SYNRG: variants seen among roughly 807,000 people sequenced by gnomAD.
SYNRG encodes the protein synergin gamma.
A neutral mutation model predicts 130.9 loss-of-function variants in SYNRG; 37 were observed. The ratio of observed to expected loss-of-function variants is 0.28; its 90% CI spans 0.22 to 0.37. SYNRG has a LOEUF of 0.37. Ranked by LOEUF, SYNRG falls within the 10% of genes least tolerant of loss-of-function variation. The pLI is 1.00. For synonymous variants in SYNRG, 539 were observed against 568.1 expected (o/e 0.95, Z 0.73); for missense variants, 1,338 against 1,588.9 (o/e 0.84, Z 2.68).
intron 15 of SYNRG, chr17:37,541,226 T>G (rs1190822875): frequency 1.0e-6 from 1 of 985,316 alleles, no homozygotes; most frequent in Non-Finnish European, 1.2e-6. Flanking sequence ...TCCTTCACAG[T>G]CTCTCAATCC....
chr17:37,585,314 T>A lies in SYNRG; in HGVS notation c.477+11A>T, dbSNP rs142373607. 6.2e-7 allele frequency: 1 copy of A among 1,606,486 alleles called. No individual in the cohort carries two copies. The highest frequency in any genetic ancestry group is 2.2e-5 in the East Asian group (1 of 44,720). On this transcript the variant is annotated intron_variant, in intron 5 of 21. Transcript: ENST00000612223. ...GTATGTTCTGGGTGAAGAGAAGTAT[T>A]GAAATACTACCTTGGGTTTCACACT... is the stretch of plus-strand genomic sequence containing the variant.
Position 37,542,190 on chromosome 17 carries a change from G to A in SYNRG, c.2984C>T (p.Thr995Met), listed in dbSNP as rs756017425. The stretch of plus-strand genomic sequence containing the variant: ...CGTGGCCTCCTGGCTCCGTTCAGCC[G>A]TAGGCAGGTCCTGTTTTGTGAAATC... ...YKDFTKQDLP[T>M]AERSQEATCP... Residue 995 changes from threonine to methionine, a missense_variant, in exon 15 of 22, where the codon ACG becomes ATG. Coordinates refer to ENST00000612223, the MANE Select transcript of SYNRG (RefSeq NM_007247.6). The A allele has an allele frequency of 5.0e-6, 8 of 1,614,100 alleles. No individual in the cohort carries two copies. Among genetic ancestry groups the A allele is most frequent in the East Asian group, 2.2e-5 (1 of 44,894 alleles).
intron 14 of SYNRG, among the ~76,000 whole-genome samples, chr17:37,548,090 C>G (rs2058423388): frequency 6.6e-6 from 1 of 152,172 alleles, no homozygotes; most frequent in African/African-American, 2.4e-5. Context: ...TTTTCTGCAG[C>G]CTGCTCAGAT....
intron 1 of SYNRG, 74 bp from the exon 2 acceptor site, chr17:37,600,477 A>G: frequency 6.8e-7 from 1 of 1,464,836 alleles, no homozygotes; most frequent in Non-Finnish European, 9.5e-7. Flanking sequence ...ACTTTTTTAT[A>G]TGGATAAAAG....
chr17:37,545,206 C>T (rs1328567725), intron 14 of SYNRG, among the ~76,000 whole-genome samples: 1 of 148,804 alleles, frequency 6.7e-6, no homozygotes, highest in East Asian at 2.0e-4. Flanking sequence ...GCAACAAGAG[C>T]GAAACTCCGT....
chr17:37,563,912 T>A (rs2059728902), intron 11 of SYNRG, among the ~76,000 whole-genome samples: 1 of 151,808 alleles, frequency 6.6e-6, no homozygotes, highest in African/African-American at 2.4e-5. Context: ...TGGCGTGATC[T>A]TGGCTCACTG....
intron 21 of SYNRG, 74 bp downstream of exon 21, chr17:37,520,105 T>C: frequency 5.3e-6 from 8 of 1,516,194 alleles, no homozygotes; most frequent in Non-Finnish European, 7.3e-6. Context: ...TGGCAATGGA[T>C]AGAATCATCC....
intron 17 of SYNRG, 43 bp from the exon 18 acceptor site, chr17:37,538,463 G>A (rs191845266): frequency 6.5e-4 from 913 of 1,408,688 alleles, no homozygotes; most frequent in Non-Finnish European, 8.5e-4. Flanking sequence ...ACTGAGAAAA[G>A]TCATTGCAAA....
rs1169408918 is a variant in SYNRG at position 37,609,292 on chromosome 17, C to A, written c.64G>T (p.Ala22Ser). The change falls in exon 1 of 22, where the codon GCC (alanine) becomes TCC (serine). Residue 22 changes from alanine (A) to serine (S), a missense_variant. Ala to Ser is a moderately conservative substitution (Grantham distance 99). Transcript: ENST00000612223. ...GGAAGAGAGS[A>S]GGGGFMFPVA... The stretch of plus-strand genomic sequence containing the variant: ...CTTCACACCTACCCGCCTCCCCCGG[C>A]GGACCCCGCGCCAGCTCCCGCGGCC... 1 of 1,453,312 alleles carries A rather than the reference C, an allele frequency of 6.9e-7. No individual in the cohort carries two copies. The highest frequency in any genetic ancestry group is 9.0e-7 in the Non-Finnish European group (1 of 1,108,504). The allele number at this position is 1,453,312 out of a possible 1,614,324, so 90.0% of individuals were successfully genotyped here. A position where few individuals can be genotyped will look rare whatever the true frequency, so the allele number is the denominator to read the frequency against.
intron 19 of SYNRG, among the ~76,000 whole-genome samples, chr17:37,533,475 C>G (rs2056851007): frequency 6.6e-6 from 1 of 151,454 alleles, no homozygotes; most frequent in Admixed American, 6.6e-5. Context: ...AAAAATGGAA[C>G]CAGTAACCCT....
chr17:37,599,265 T>C (rs1174109089), intron 2 of SYNRG, among the ~76,000 whole-genome samples: 1 of 152,238 alleles, frequency 6.6e-6, no homozygotes, highest in African/African-American at 2.4e-5. Flanking sequence ...TGAAGGCAGA[T>C]CTATTCCTTC....
intron 13 of SYNRG, among the ~76,000 whole-genome samples, chr17:37,558,752 C>T (rs17576688): frequency 0.68 from 102,965 of 152,038 alleles, 36,570 homozygotes; most frequent in East Asian, 0.89. Context: ...GATGATTGAA[C>T]ACTGGCGTCT....
Position 37,536,237 on chromosome 17 carries a change from G to A in SYNRG, c.3518-110C>T, listed in dbSNP as rs181276993. ...TCTGTGAGAAACAATGGGTGTATCT[G>A]GACAGAGGTGTACTTACTATTCTTT... is the stretch of plus-strand genomic sequence containing the variant. On this transcript the variant is annotated intron_variant, in intron 18 of 21. Transcript: ENST00000612223. The A allele has an allele frequency of 1.1e-4, 134 of 1,265,484 alleles. 1 individual carries two copies. The African/African-American group carries it at 1.8e-3, about 17-fold the overall frequency. 78.4% of individuals were successfully genotyped at this position (1,265,484 alleles called of 1,614,324 possible). A position where few individuals can be genotyped will look rare whatever the true frequency, so the allele number is the denominator to read the frequency against.
At chr17:37,558,782 C>A (rs1027913034) in intron 13 of SYNRG, among the ~76,000 whole-genome samples, 1 of 152,164 alleles carries the variant, frequency 6.6e-6, no homozygotes, top group East Asian at 1.9e-4. Context: ...TATCCTTGAA[C>A]ATACTAAGTG....
In SYNRG at chr17:37,536,000, G is replaced by A; in HGVS notation, c.3645C>T (p.Phe1215=). The A allele has an allele frequency of 6.2e-7, 1 of 1,613,988 alleles. No individual in the cohort carries two copies. Among genetic ancestry groups the A allele is most frequent in the Non-Finnish European group, 8.5e-7 (1 of 1,179,980 alleles). Residue 1215 remains phenylalanine, a synonymous_variant, in exon 19 of 22, where the codon TTC becomes TTT. Transcript: ENST00000612223. ...TTACTGTGAGTGTGGCGAGTGACAT[G>A]AAGCCGATTAGGTTATTCCATACTT... The part of the protein sequence containing the change: ...IDKVWNNLIG[F]MSLATLTPDE...
intron 8 of SYNRG, among the ~76,000 whole-genome samples, chr17:37,572,871 G>T (rs1013290026): frequency 6.6e-6 from 1 of 152,106 alleles, no homozygotes; most frequent in African/African-American, 2.4e-5. Context: ...GTTAGATACA[G>T]GGCTAAAATA....
chr17:37,607,146 G>A (rs139988579), intron 1 of SYNRG, among the ~76,000 whole-genome samples: 2 of 152,184 alleles, frequency 1.3e-5, no homozygotes, highest in African/African-American at 4.8e-5. Flanking sequence ...TTTCTCTCCT[G>A]TATATCGTTT....
intron 1 of SYNRG, among the ~76,000 whole-genome samples, chr17:37,606,266 C>T (rs1416349756): frequency 6.6e-6 from 1 of 152,194 alleles, no homozygotes; most frequent in Non-Finnish European, 1.5e-5. Flanking sequence ...CTTCCTCTTC[C>T]TCTAACTCTG....
At chr17:37,527,632 A>G (rs1394293959) in intron 19 of SYNRG, among the ~76,000 whole-genome samples, 1 of 152,260 alleles carries the variant, frequency 6.6e-6, no homozygotes, top group Non-Finnish European at 1.5e-5. Context: ...AATCCAATAC[A>G]TATAATAACT....
Sources: allele counts gnomAD v4.1 joint callset (sites outside exome capture counted in the v4.1 genomes callset), GRCh38; gene constraint gnomAD v4.1.1; transcripts MANE v1.5; gene names NCBI Gene and HGNC (gene_info 2026-07-23, HGNC 2026-07-21).